PCDHA1: variants seen among roughly 807,000 people sequenced by gnomAD.
PCDHA1 encodes the protein protocadherin alpha-1.
A neutral mutation model predicts 61.3 loss-of-function variants in PCDHA1; 42 were observed. The observed-to-expected ratio is 0.69, with a 90% CI of 0.54 to 0.89. The LOEUF is 0.89. Ranked by LOEUF, PCDHA1 falls within the 40% of genes least tolerant of loss-of-function variation. PCDHA1 has a pLI of 0.00. For synonymous variants in PCDHA1, 610 were observed against 553.8 expected (o/e 1.10, Z -1.43); for missense variants, 1,256 against 1,235.3 (o/e 1.02, Z -0.25).
chr5:140,802,501 T>G, intron 1 of PCDHA1: 1 of 1,614,164 alleles, frequency 6.2e-7, no homozygotes, highest in Non-Finnish European at 8.5e-7. Context: ...TCGCCTTCAC[T>G]GTGGGCCACG....
At chr5:140,839,602 C>T (rs1330709699) in intron 1 of PCDHA1, among the ~76,000 whole-genome samples, 1 of 151,960 alleles carries the variant, frequency 6.6e-6, no homozygotes. Context: ...GTTGCCCAGG[C>T]TGGTCTCAAA....
chr5:140,797,845 AT>A (rs11296857), intron 1 of PCDHA1, among the ~76,000 whole-genome samples: 10,141 of 150,108 alleles, frequency 0.068, 1,104 homozygotes, highest in African/African-American at 0.23. Context: ...AATAAGCTAC[AT>A]TTTTTTTTTG....
At chr5:140,803,178 G>A (rs781920190) in intron 1 of PCDHA1, 3 of 1,613,740 alleles carry the variant, frequency 1.9e-6, no homozygotes, top group African/African-American at 2.7e-5. Flanking sequence ...CTCATTGACC[G>A]CCACGGCCAC....
intron 3 of PCDHA1, among the ~76,000 whole-genome samples, chr5:140,998,883 GAATA>G (rs782239555): frequency 6.6e-5 from 10 of 152,274 alleles, no homozygotes; most frequent in East Asian, 1.9e-4. Flanking sequence ...AAGTTTAGTT[GAATA>G]AATAACAATG....
rs2150428040 is a variant in PCDHA1, at chr5:140,848,992, C to T, written c.2394+60308C>T. On this transcript the variant is annotated intron_variant, in intron 1 of 3. Coordinates refer to ENST00000504120, the MANE Select transcript of PCDHA1 (RefSeq NM_018900.4). ...TCCGATGCAGATATCGGGGAGAACG[C>T]CCTGCTCACTTACAGACTGAGCCCC... is the stretch of plus-strand genomic sequence containing the variant. The T allele has an allele frequency of 2.5e-6, 4 of 1,597,000 alleles. No individual in the cohort carries two copies. In the African/African-American group the frequency reaches 4.1e-5, roughly 16 times the overall value.
In PCDHA1 at chr5:140,786,892, A is replaced by G. The variant is rs782072601; in HGVS notation, c.602A>G (p.Asp201Gly). ...SLWLELRKYL[D>G]REETPELHLL... ...TGGCTTGAATTGAGAAAATATTTGG[A>G]TAGAGAAGAAACACCAGAACTTCAC... Residue 201 changes from aspartate (D) to glycine (G), a missense_variant, in exon 1 of 4, where the codon GAT becomes GGT. Asp to Gly is a moderately conservative substitution (Grantham distance 94). Transcript: ENST00000504120. 1.4e-5 allele frequency: 22 copies of G among 1,614,142 alleles called. No individual in the cohort carries two copies. The South Asian group carries it at 2.4e-4, about 18-fold the overall frequency.
At chr5:140,903,515 G>T (rs542642607) in intron 1 of PCDHA1, among the ~76,000 whole-genome samples, 1 of 152,244 alleles carries the variant, frequency 6.6e-6, no homozygotes, top group Non-Finnish European at 1.5e-5. Context: ...TAGTTCTATT[G>T]TGTTGTTCAC....
intron 1 of PCDHA1, chr5:140,829,309 G>T (rs2150165707): frequency 1.2e-6 from 2 of 1,614,252 alleles, no homozygotes; most frequent in South Asian, 1.1e-5. Flanking sequence ...ATTACTACTC[G>T]TTGGTGCTGG....
chr5:140,830,363 G>T, intron 1 of PCDHA1: 1 of 1,614,138 alleles, frequency 6.2e-7, no homozygotes, highest in Non-Finnish European at 8.5e-7. Flanking sequence ...GCGGCAGAGG[G>T]TGTGCTCCGG....
intron 1 of PCDHA1, chr5:140,856,983 G>A: frequency 6.3e-7 from 1 of 1,595,186 alleles, no homozygotes; most frequent in Non-Finnish European, 8.6e-7. Flanking sequence ...TTTGAGGACA[G>A]TAACACTTAT....
Position 140,901,240 on chromosome 5 carries a change from C to T in PCDHA1, c.2395-77709C>T, listed in dbSNP as rs868923936. 8.9e-4 allele frequency among the ~76,000 whole-genome samples: 135 copies of T among 151,946 alleles called. 1 individual carries two copies. Among genetic ancestry groups the T allele is most frequent in the Middle Eastern group, 6.8e-3 (2 of 294 alleles). The stretch of plus-strand genomic sequence containing the variant: ...TGTGATCCCATATATCCATTTTTTT[C>T]CTTTGGTTCCCTGTGATTGTGGGGT... On this transcript the variant is annotated intron_variant, in intron 1 of 3. Transcript: ENST00000504120.
intron 1 of PCDHA1, chr5:140,842,941 G>C (rs1388720747): frequency 3.1e-6 from 5 of 1,594,532 alleles, no homozygotes; most frequent in Admixed American, 1.7e-5. Context: ...CGCGCGACGC[G>C]GGCGTGCCGC....
chr5:140,883,834 G>T (rs891069385), intron 1 of PCDHA1: 3 of 1,612,540 alleles, frequency 1.9e-6, no homozygotes, highest in Non-Finnish European at 2.5e-6. Context: ...CGCTGCAGCC[G>T]TTGGACCACG....
In PCDHA1 at chr5:140,883,991, G is replaced by A. The variant is rs1475054823; in HGVS notation, c.2395-94958G>A. ...GACGCCCGGGGCTGGCAGCGCGGGA[G>A]GCACAGTGAGCGAGCTGATGCCGCG... On this transcript the variant is annotated intron_variant, in intron 1 of 3. Transcript: ENST00000504120. 2 of 1,612,972 alleles carry A rather than the reference G, an allele frequency of 1.2e-6. No individual in the cohort carries two copies. The highest frequency in any genetic ancestry group is 2.2e-5 in the East Asian group (1 of 44,862).
intron 1 of PCDHA1, chr5:140,863,757 G>A (rs2048159267): frequency 4.1e-6 from 1 of 243,012 alleles, no homozygotes; most frequent in Non-Finnish European, 8.1e-6. Context: ...CCGGCACTTT[G>A]GGAAGCCGAG....
chr5:140,871,074 G>T (rs1210767724), intron 1 of PCDHA1: 10 of 1,613,214 alleles, frequency 6.2e-6, no homozygotes, highest in Middle Eastern at 3.3e-4. Context: ...GTGAGCCGGC[G>T]CTGACGGCCA....
At chr5:140,846,712 C>G (rs1014332332) in intron 1 of PCDHA1, among the ~76,000 whole-genome samples, 1 of 149,228 alleles carries the variant, frequency 6.7e-6, no homozygotes, top group Non-Finnish European at 1.5e-5. Context: ...ATTGTAATAA[C>G]CAGTCTTCAT....
intron 1 of PCDHA1, among the ~76,000 whole-genome samples, chr5:140,953,629 T>A (rs547651453): frequency 6.6e-6 from 1 of 152,298 alleles, no homozygotes; most frequent in East Asian, 1.9e-4. Context: ...TTGCTTTATG[T>A]ATTTTGGCCA....
chr5:140,891,893 CAAG>C (rs2063302978), intron 1 of PCDHA1, among the ~76,000 whole-genome samples: 1 of 152,210 alleles, frequency 6.6e-6, no homozygotes, highest in Non-Finnish European at 1.5e-5. Flanking sequence ...GACGATGCAG[CAAG>C]AAGATCTTCA....
Sources: gnomAD v4.1 joint callset for allele counts (sites outside exome capture counted in the v4.1 genomes callset) on GRCh38, gnomAD v4.1.1 for gene constraint, MANE v1.5 for transcripts, NCBI Gene and HGNC (gene_info 2026-07-23, HGNC 2026-07-21) for gene names.